Variants in PLEKHG5 observed in about 807,000 individuals in gnomAD.
PLEKHG5 encodes pleckstrin homology and RhoGEF domain containing G5.
A neutral mutation model predicts 103.8 loss-of-function variants in PLEKHG5; 52 were observed. The ratio of observed to expected loss-of-function variants is 0.50; its 90% CI spans 0.40 to 0.63. The LOEUF is 0.63. Ranked by LOEUF, PLEKHG5 falls within the 30% of genes least tolerant of loss-of-function variation. The pLI is 0.00. For synonymous variants in PLEKHG5, 592 were observed against 575.5 expected, an observed-to-expected ratio of 1.03 and a Z score of -0.41; for missense variants, 1,205 against 1,347.6, an observed-to-expected ratio of 0.89 and a Z score of 1.66.
intron 1 of PLEKHG5, among the ~76,000 whole-genome samples, chr1:6,479,786 A>G (rs1644856602): frequency 6.6e-6 from 1 of 151,714 alleles, no homozygotes; most frequent in Non-Finnish European, 1.5e-5. Flanking sequence ...TAACTTTTTT[A>G]TTTTTAGTAG....
In PLEKHG5 at chr1:6,491,389, G is replaced by A. The variant is rs1645149551; in HGVS notation, c.-88+248C>T. ...CTATACTAGGGCAGCTCCTGGCTGG[G>A]CCAGGGATCCCCACGTCTTCACCTG... On this transcript the variant is annotated intron_variant, in intron 1 of 20. Coordinates refer to ENST00000377728, the MANE Select transcript of PLEKHG5 (RefSeq NM_020631.6). This position sits in a 1 kb window ranked among gnomAD's most constrained non-coding sequence, Gnocchi z 4.1. 6.6e-6 allele frequency among the ~76,000 whole-genome samples: 1 copy of A among 152,140 alleles called. No individual in the cohort carries two copies. Among genetic ancestry groups the A allele is most frequent in the Non-Finnish European group, 1.5e-5 (1 of 68,016 alleles).
At chr1:6,484,824 C>T (rs1644987233) in intron 1 of PLEKHG5, among the ~76,000 whole-genome samples, 1 of 152,104 alleles carries the variant, frequency 6.6e-6, no homozygotes, top group Non-Finnish European at 1.5e-5. Context: ...GAACAGCCAG[C>T]TCCCACCCCC....
chr1:6,475,955 T>A lies in PLEKHG5; in HGVS notation c.125A>T (p.Glu42Val). Residue 42 changes from glutamate (E) to valine (V), a missense_variant, in exon 3 of 21, where the codon GAG becomes GTG. Coordinates refer to ENST00000377728, the MANE Select transcript of PLEKHG5 (RefSeq NM_020631.6). ...SPAVDLEEEE[E>V]ESSVDGKGDR... ...CCCTTTGCCATCCACAGAGCTCTCCTCCTCCTCCTCCTCCAAGTCCACTGC... is the reference window on the plus strand; with the variant it reads ...CCCTTTGCCATCCACAGAGCTCTCCACCTCCTCCTCCTCCAAGTCCACTGC... 1 of 1,613,242 alleles carries A rather than the reference T, an allele frequency of 6.2e-7. No homozygotes were observed. The highest frequency in any genetic ancestry group is 1.1e-5 in the South Asian group (1 of 91,070).
Position 6,469,129 on chromosome 1 carries a change from TCCTCCTCC to T in PLEKHG5, c.2154_2161del (p.Glu719GlyfsTer64). The T allele has an allele frequency of 6.3e-7, 1 of 1,597,488 alleles. No homozygotes were observed. Among genetic ancestry groups the T allele is most frequent in the Non-Finnish European group, 8.5e-7 (1 of 1,169,892 alleles). ...AGTGCCACTGTCCTCGCCTTCCTCC[TCCTCCTCC>T]TCCTCCTCCTCTTCCTCCTCCTGCT... On this transcript the variant is annotated frameshift_variant, in exon 19 of 21. Transcript: ENST00000377728. LOFTEE classifies it high-confidence loss of function.
In PLEKHG5 at chr1:6,490,679, A is replaced by G; in HGVS notation, c.-88+958T>C. The G allele has an allele frequency of 1.1e-6, 1 of 878,354 alleles. No individual in the cohort carries two copies. The highest frequency in any genetic ancestry group is 1.4e-6 in the Non-Finnish European group (1 of 733,602). The allele number at this position is 878,354 out of a possible 1,614,324, so 54.4% of individuals were successfully genotyped here. A position where few individuals can be genotyped will look rare whatever the true frequency, so the allele number is the denominator to read the frequency against. ...GCGCCGCCCGGCTGGGACCGGGGAG[A>G]GGAGGGGTCCCAGGAAGGGCCCCGC... On this transcript the variant is annotated intron_variant, in intron 1 of 20. Transcript: ENST00000377728. This position sits in a 1 kb window ranked among gnomAD's most constrained non-coding sequence, Gnocchi z 8.0.
chr1:6,476,818 G>A (rs1275345283), intron 2 of PLEKHG5, among the ~76,000 whole-genome samples: 7 of 152,106 alleles, frequency 4.6e-5, no homozygotes, highest in Admixed American at 1.3e-4. Context: ...GCAGTGGCAC[G>A]ATCAGGGCTC....
In PLEKHG5 at chr1:6,487,544, A is replaced by G. The variant is rs1042063093; in HGVS notation, c.-88+4093T>C. Among the ~76,000 whole-genome samples the G allele has an allele frequency of 4.6e-5, 7 of 151,968 alleles. No individual in the cohort carries two copies. The highest frequency in any genetic ancestry group is 1.7e-4 in the African/African-American group (7 of 41,350). On this transcript the variant is annotated intron_variant, in intron 1 of 20. Coordinates refer to ENST00000377728, the MANE Select transcript of PLEKHG5 (RefSeq NM_020631.6). This position sits in a 1 kb window ranked among gnomAD's most constrained non-coding sequence, Gnocchi z 4.1. ...ACCTGCCGGTCTTCCTTCTCTCCCT[A>G]CAGCTCGCCAAGCTCAGGGCCTTCT...
chr1:6,482,729 G>A (rs947509694), intron 1 of PLEKHG5, among the ~76,000 whole-genome samples: 4 of 152,016 alleles, frequency 2.6e-5, no homozygotes, highest in Admixed American at 6.6e-5. Context: ...TGTTTTTTGC[G>A]ATAGAGTCTC....
rs1052897306 is a variant in PLEKHG5, at chr1:6,490,404, C to A, written c.-88+1233G>T. The A allele has an allele frequency of 4.1e-6, 4 of 972,164 alleles. No individual in the cohort carries two copies. Among genetic ancestry groups the A allele is most frequent in the South Asian group, 4.8e-5 (1 of 20,698 alleles). 60.2% of individuals were successfully genotyped at this position (972,164 alleles called of 1,614,324 possible). A position where few individuals can be genotyped will look rare whatever the true frequency, so the allele number is the denominator to read the frequency against. On this transcript the variant is annotated intron_variant, in intron 1 of 20. Transcript: ENST00000377728. This position sits in a 1 kb window ranked among gnomAD's most constrained non-coding sequence, Gnocchi z 8.0. ...AGGGGGGTCCTGGCGCCTAGTCCCA[C>A]CCCCCGTCCGGAGCGCAGCTCCCAC...
upstream of PLEKHG5, chr1:6,497,249 G>A (rs1466188615): frequency 2.3e-6 from 2 of 882,984 alleles, no homozygotes; most frequent in South Asian, 2.8e-5. The surrounding 1 kb of genome is among the most constrained non-coding windows in gnomAD (Gnocchi z 6.1). Context: ...GCCCTCCCCG[G>A]AGGAGGTTAG....
At position 6,467,825 on chromosome 1, in the gene PLEKHG5, G is replaced by C. The variant is rs746496416; in HGVS notation, c.3011C>G (p.Ser1004Trp). 1 of 1,613,012 alleles carries C rather than the reference G, an allele frequency of 6.2e-7. No individual in the cohort carries two copies. The highest frequency in any genetic ancestry group is 8.5e-7 in the Non-Finnish European group (1 of 1,179,884). Residue 1004 changes from serine to tryptophan, a missense_variant and splice_region_variant, in exon 20 of 21, where the codon TCG (serine) becomes TGG (tryptophan). By Grantham distance (177) the Ser-to-Trp change is radical. Coordinates refer to ENST00000377728, the MANE Select transcript of PLEKHG5 (RefSeq NM_020631.6). Reference protein sequence around the residue: ...TLLLNSTLTASEV With the variant: ...TLLLNSTLTAWEV ...CCCTACCCCAGTCCAGGCCACTCAC[G>C]AGGCAGTGAGCGTGGAGTTAAGCAG...
intron 1 of PLEKHG5, chr1:6,485,961 A>AG (rs1213965274): frequency 2.1e-6 from 2 of 956,276 alleles, no homozygotes; most frequent in Non-Finnish European, 2.5e-6. Context: ...TGCTGGAGGC[A>AG]GGGGGCGCTG....
intron 11 of PLEKHG5, 33 bp from the exon 12 acceptor site, chr1:6,471,670 C>G: frequency 6.4e-7 from 1 of 1,570,112 alleles, no homozygotes; most frequent in South Asian, 1.2e-5. Flanking sequence ...TTGGCCACGC[C>G]CCTCCGCCAG....
chr1:6,469,348 A>G lies in PLEKHG5; in HGVS notation c.2036T>C (p.Ile679Thr), dbSNP rs1644497570. ...QALCRGWVDT[I>T]YNAQNQLQQL... Reference sequence around the variant, plus strand: ...CTCTGCACTCACCTGGGCATTGTAAATGGTGTCCACCCAGCCACGGCACAA... The same window carrying G: ...CTCTGCACTCACCTGGGCATTGTAAGTGGTGTCCACCCAGCCACGGCACAA... Residue 679 changes from isoleucine (I) to threonine (T), a missense_variant, in exon 18 of 21, where the codon ATT becomes ACT. Ile to Thr is a moderately conservative substitution (Grantham distance 89). Transcript: ENST00000377728. The G allele has an allele frequency of 6.2e-7, 1 of 1,614,068 alleles. No homozygotes were observed. The highest frequency in any genetic ancestry group is 1.7e-5 in the Admixed American group (1 of 60,032).
At position 6,473,342 on chromosome 1, in the gene PLEKHG5, C is replaced by G; in HGVS notation, c.704G>C (p.Ser235Thr). 1 of 1,553,630 alleles carries G rather than the reference C, an allele frequency of 6.4e-7. No individual in the cohort carries two copies. Among genetic ancestry groups the G allele is most frequent in the Non-Finnish European group, 8.7e-7 (1 of 1,149,232 alleles). Reference sequence around the variant, plus strand: ...CTTCCAGCTGTCGCCAGTGTTGGTGCTGCCACTGCTGCCGCTGGGCAGAGA... The same window carrying G: ...CTTCCAGCTGTCGCCAGTGTTGGTGGTGCCACTGCTGCCGCTGGGCAGAGA... ...SCSLPSGSSG[S>T]TNTGDSWKNR... Residue 235 changes from serine to threonine, a missense_variant, in exon 8 of 21, where the codon AGC becomes ACC. Physicochemically the swap from Ser to Thr is moderately conservative, Grantham distance 58. Transcript: ENST00000377728.
At chr1:6,488,779 C>T (rs1029707563) in intron 1 of PLEKHG5, among the ~76,000 whole-genome samples, 2 of 152,136 alleles carry the variant, frequency 1.3e-5, no homozygotes, top group African/African-American at 4.8e-5. Context: ...GGGGAGGGAG[C>T]CCCTCCCCAG....
upstream of PLEKHG5, chr1:6,496,953 C>T (rs758569895): frequency 2.8e-4 from 435 of 1,527,350 alleles, no homozygotes; most frequent in Non-Finnish European, 3.6e-4. Flanking sequence ...TCCCTGAGAA[C>T]CTTACGCCCT....
In PLEKHG5 at chr1:6,491,657, A is replaced by G. The variant is rs1431315174; in HGVS notation, c.-108T>C. 6.1e-6 allele frequency: 6 copies of G among 985,204 alleles called. No homozygotes were observed. The highest frequency in any genetic ancestry group is 7.2e-6 in the Non-Finnish European group (6 of 829,934). The allele number at this position is 985,204 out of a possible 1,614,324, so 61.0% of individuals were successfully genotyped here. A position where few individuals can be genotyped will look rare whatever the true frequency, so the allele number is the denominator to read the frequency against. On this transcript the variant is annotated 5_prime_UTR_variant, in exon 1 of 21. The change abolishes an upstream ATG in the 5' untranslated region. Coordinates refer to ENST00000377728, the MANE Select transcript of PLEKHG5 (RefSeq NM_020631.6). The surrounding 1 kb of genome is among the most constrained non-coding windows in gnomAD (Gnocchi z 4.1). Reference sequence around the variant, plus strand: ...CTCACATCCTGCCCGTCCCTTCTCCATGGGGGCCTCAGGTCCACCCTTTCC... The same window carrying G: ...CTCACATCCTGCCCGTCCCTTCTCCGTGGGGGCCTCAGGTCCACCCTTTCC...
chr1:6,498,376 G>A (rs1645257353), upstream of PLEKHG5, among the ~76,000 whole-genome samples: 1 of 152,192 alleles, frequency 6.6e-6, no homozygotes, highest in African/African-American at 2.4e-5. Flanking sequence ...CCGGCCCTGG[G>A]ACTCACAGGT....
Sources: allele counts gnomAD v4.1 joint callset (sites outside exome capture counted in the v4.1 genomes callset), GRCh38; gene constraint gnomAD v4.1.1; non-coding constraint Gnocchi (gnomAD v3.1); transcripts MANE v1.5; gene names NCBI Gene and HGNC (gene_info 2026-07-23, HGNC 2026-07-21).